The following AKAP6 variants were observed in gnomAD, a reference collection of about 807,000 sequenced individuals.
The protein encoded by AKAP6 is A-kinase anchor protein 6.
AKAP6 carries 58 observed loss-of-function variants against 188.5 expected under a neutral mutation model. The ratio of observed to expected loss-of-function variants is 0.31; its 90% CI spans 0.25 to 0.38. The LOEUF (loss-of-function observed/expected upper bound fraction) is 0.38, where lower values mean the gene tolerates loss of function less well. Ranked by LOEUF, AKAP6 falls within the 10% of genes least tolerant of loss-of-function variation. AKAP6 has a pLI of 1.00. For synonymous variants in AKAP6, 989 were observed against 998.6 expected, an observed-to-expected ratio of 0.99 and a Z score of 0.18; for missense variants, 2,710 against 2,740.0, an observed-to-expected ratio of 0.99 and a Z score of 0.24.
intron 2 of AKAP6, among the ~76,000 whole-genome samples, chr14:32,490,153 A>G (rs1362214233): frequency 2.7e-5 from 2 of 74,730 alleles, no homozygotes; most frequent in Admixed American, 2.9e-4. Context: ...AGGATAGGGC[A>G]GAACAAATCA....
chr14:32,640,936 G>A (rs1184080370), intron 7 of AKAP6, among the ~76,000 whole-genome samples: 1 of 152,120 alleles, frequency 6.6e-6, no homozygotes, highest in African/African-American at 2.4e-5. Flanking sequence ...ATCATTAGCT[G>A]CTGCCATTTC....
chr14:32,759,615 G>C (rs866811866), intron 11 of AKAP6, among the ~76,000 whole-genome samples: 1 of 152,132 alleles, frequency 6.6e-6, no homozygotes, highest in Non-Finnish European at 1.5e-5. Flanking sequence ...AGTTCTGCAG[G>C]CTTCACAGGA....
intron 1 of AKAP6, among the ~76,000 whole-genome samples, chr14:32,400,763 A>T (rs1889062813): frequency 6.6e-6 from 1 of 152,072 alleles, no homozygotes; most frequent in South Asian, 2.1e-4. Context: ...AATCTCCTGG[A>T]ATTCTTATTA....
intron 2 of AKAP6, among the ~76,000 whole-genome samples, chr14:32,449,041 A>G (rs982166920): frequency 6.6e-6 from 1 of 152,176 alleles, no homozygotes; most frequent in African/African-American, 2.4e-5. Flanking sequence ...TCTCATTCCC[A>G]GGTAGAAGAT....
intron 12 of AKAP6, among the ~76,000 whole-genome samples, chr14:32,793,119 C>A (rs751091393): frequency 6.6e-6 from 1 of 152,168 alleles, no homozygotes; most frequent in Non-Finnish European, 1.5e-5. Context: ...ACCACATAAA[C>A]AAGTCCACAA....
chr14:32,595,901 A>T (rs1038626567), intron 5 of AKAP6, among the ~76,000 whole-genome samples: 13 of 152,080 alleles, frequency 8.5e-5, no homozygotes, highest in Non-Finnish European at 1.9e-4. Context: ...GAGGATAAGG[A>T]TTGTGTATTG....
chr14:32,347,565 A>G (rs927624779), intron 1 of AKAP6, among the ~76,000 whole-genome samples: 2 of 152,256 alleles, frequency 1.3e-5, no homozygotes, highest in South Asian at 2.1e-4. Context: ...CAGAGCTTGT[A>G]ACATTGGATT....
Position 32,832,001 on chromosome 14 carries a change from T to G in AKAP6, c.*2196T>G, listed in dbSNP as rs2034825473. On this transcript the variant is annotated 3_prime_UTR_variant, in exon 14 of 14. Transcript: ENST00000280979. ...TAATTCTACCACTTTAATAACTATTTGTATTTTTATGCCCCTTCTGATCTT... is the reference window on the plus strand; with the variant it reads ...TAATTCTACCACTTTAATAACTATTGGTATTTTTATGCCCCTTCTGATCTT... 6.6e-6 allele frequency: 1 copy of G among 152,196 alleles called. No individual in the cohort carries two copies. Among genetic ancestry groups the G allele is most frequent in the Non-Finnish European group, 1.5e-5 (1 of 68,038 alleles). The allele number at this position is 152,196 out of a possible 1,614,324, so 9.4% of individuals were successfully genotyped here. A position where few individuals can be genotyped will look rare whatever the true frequency, so the allele number is the denominator to read the frequency against.
intron 7 of AKAP6, among the ~76,000 whole-genome samples, chr14:32,673,115 G>C (rs1889285373): frequency 6.6e-6 from 1 of 152,106 alleles, no homozygotes; most frequent in Non-Finnish European, 1.5e-5. Flanking sequence ...GAACAAATGA[G>C]TTACTCTGTC....
At chr14:32,745,475 C>CTCTCTCTG (rs2031860347) in intron 11 of AKAP6, among the ~76,000 whole-genome samples, 1 of 68,982 alleles carries the variant, frequency 1.4e-5, no homozygotes, top group African/African-American at 8.3e-5. Context: ...CTCTCTCTCT[C>CTCTCTCTG]TCTCTCTCTC....
chr14:32,809,751 T>C (rs2034176269), intron 12 of AKAP6, among the ~76,000 whole-genome samples: 1 of 152,176 alleles, frequency 6.6e-6, no homozygotes, highest in African/African-American at 2.4e-5. Context: ...CTTTGTCAGC[T>C]TAGGATGGAA....
chr14:32,452,011 A>ATTTTT (rs61035125), intron 2 of AKAP6, among the ~76,000 whole-genome samples: 3 of 66,194 alleles, frequency 4.5e-5, no homozygotes, highest in Non-Finnish European at 7.5e-5. Context: ...TTTTCTTTAC[A>ATTTTT]TTTTTTTTTT....
intron 7 of AKAP6, among the ~76,000 whole-genome samples, chr14:32,644,646 A>G (rs929074566): frequency 4.6e-5 from 7 of 152,082 alleles, no homozygotes; most frequent in African/African-American, 1.7e-4. Context: ...TCTCTATTGC[A>G]TTTTGGGGAC....
rs975385815 is a variant in AKAP6, at chr14:32,711,457, C to T, written c.3000+15347C>T. Among the ~76,000 whole-genome samples, 11 of 152,122 alleles carry T rather than the reference C, an allele frequency of 7.2e-5. 1 individual carries two copies. In the South Asian group the frequency reaches 2.3e-3, roughly 32 times the overall value. On this transcript the variant is annotated intron_variant, in intron 9 of 13. Transcript: ENST00000280979. ...GCCTTGAAACATAAATAGATTCACA[C>T]GGACCTTTTTATAAAATGAATTAAT...
intron 9 of AKAP6, among the ~76,000 whole-genome samples, chr14:32,712,318 T>C (rs1169635372): frequency 1.3e-5 from 2 of 152,054 alleles, no homozygotes; most frequent in African/African-American, 2.4e-5. Flanking sequence ...ATCTTTTTGC[T>C]GGTGAAGGTC....
intron 1 of AKAP6, among the ~76,000 whole-genome samples, chr14:32,406,065 G>T (rs1889282181): frequency 2.6e-5 from 4 of 152,202 alleles, no homozygotes; most frequent in Admixed American, 2.6e-4. Context: ...GGTAGGAACT[G>T]CTCCTGCAGC....
At chr14:32,539,863 G>A (rs1361588911) in intron 3 of AKAP6, among the ~76,000 whole-genome samples, 1 of 152,030 alleles carries the variant, frequency 6.6e-6, no homozygotes, top group African/African-American at 2.4e-5. Flanking sequence ...ATCTGACAAA[G>A]TCTAGTCCAT....
At chr14:32,816,822 A>G (rs2034390586) in intron 12 of AKAP6, among the ~76,000 whole-genome samples, 1 of 152,058 alleles carries the variant, frequency 6.6e-6, no homozygotes, top group Non-Finnish European at 1.5e-5. Flanking sequence ...GTTGTGTTCT[A>G]CTTTTCTCCA....
At chr14:32,829,211 T>C (rs1185570243) in intron 13 of AKAP6, among the ~76,000 whole-genome samples, 1 of 152,228 alleles carries the variant, frequency 6.6e-6, no homozygotes, top group South Asian at 2.1e-4. Flanking sequence ...TGTACAAATA[T>C]AATTGAATCC....
Sources: gnomAD v4.1 joint callset for allele counts (sites outside exome capture counted in the v4.1 genomes callset) on GRCh38, gnomAD v4.1.1 for gene constraint, MANE v1.5 for transcripts, NCBI Gene and HGNC (gene_info 2026-07-23, HGNC 2026-07-21) for gene names.